GRIK5: variants seen among roughly 807,000 people sequenced by gnomAD.
The protein encoded by GRIK5 is glutamate ionotropic receptor kainate type subunit 5.
In GRIK5, 43 loss-of-function variants were observed where a neutral mutation model predicts 97.4. The ratio of observed to expected loss-of-function variants is 0.44; its 90% CI spans 0.35 to 0.57. The LOEUF is 0.57. Ranked by LOEUF, GRIK5 falls within the 20% of genes least tolerant of loss-of-function variation. The pLI, the probability that GRIK5 is intolerant of heterozygous loss-of-function variation, is 0.01. For synonymous variants in GRIK5, 580 were observed against 583.5 expected, an observed-to-expected ratio of 0.99 and a Z score of 0.09; for missense variants, 1,015 against 1,382.0, an observed-to-expected ratio of 0.73 and a Z score of 4.21.
intron 9 of GRIK5, among the ~76,000 whole-genome samples, 164 bp from the exon 10 acceptor site, chr19:42,054,093 T>C (rs970869084): frequency 2.8e-4 from 43 of 151,498 alleles, no homozygotes; most frequent in Non-Finnish European, 1.8e-4. Context: ...CAAGATAACA[T>C]GCAAGGAAGC....
At chr19:42,037,408 G>A (rs1223377411) in intron 12 of GRIK5, among the ~76,000 whole-genome samples, 3 of 152,188 alleles carry the variant, frequency 2.0e-5, no homozygotes, top group African/African-American at 7.2e-5. Flanking sequence ...GCAGTGAGCC[G>A]AGATCACGCC....
rs751624575 is a variant in GRIK5, at chr19:42,054,369, G to A, written c.1007C>T (p.Ser336Leu). The A allele has an allele frequency of 3.3e-5, 53 of 1,613,390 alleles. No individual in the cohort carries two copies. In the Admixed American group the frequency reaches 4.2e-4, roughly 13 times the overall value. The change falls in exon 9 of 20, where the codon TCG becomes TTG. Residue 336 changes from serine (S) to leucine (L), a missense_variant. Around this residue, in one of 5 missense-constraint regions of GRIK5, gnomAD observed 477 missense variants for 701.1 expected, o/e 0.68. Coordinates refer to ENST00000593562, the MANE Select transcript of GRIK5 (RefSeq NM_002088.5). ...EIGVKPLACT[S>L]ANIWPHGTSL... is the part of the protein sequence containing the mutation. ...GGTCCCGTGGGGCCAAATGTTGGCC[G>A]ATGTACAGGCCAGAGGCTTCACACC...
At chr19:42,001,369 C>G (rs1332733958) in intron 19 of GRIK5, among the ~76,000 whole-genome samples, 1 of 152,222 alleles carries the variant, frequency 6.6e-6, no homozygotes, top group Admixed American at 6.5e-5. Context: ...GTTGGGACTA[C>G]AGGTGTCCAC....
chr19:42,043,399 ATTTT>A lies in GRIK5; in HGVS notation c.1270-648_1270-645del, dbSNP rs984583211. Among the ~76,000 whole-genome samples, 5 of 121,298 alleles carry A rather than the reference ATTTT, an allele frequency of 4.1e-5. No individual in the cohort carries two copies. In the South Asian group the frequency reaches 1.0e-3, roughly 25 times the overall value. 79.6% of individuals were successfully genotyped at this position (121,298 alleles called of 152,430 possible). On this transcript the variant is annotated intron_variant, in intron 11 of 19. Coordinates refer to ENST00000593562, the MANE Select transcript of GRIK5 (RefSeq NM_002088.5). ...CAGGCTGAAGATGACAGATGGTGCA[ATTTT>A]TTTTTTTTTTTTTTTTTTTTGAGAC...
intron 15 of GRIK5, among the ~76,000 whole-genome samples, chr19:42,016,054 G>C (rs1475268551): frequency 6.6e-6 from 1 of 152,134 alleles, no homozygotes; most frequent in Non-Finnish European, 1.5e-5. Flanking sequence ...AAGACCCAGG[G>C]ACTGACTCAA....
At chr19:42,048,574 T>C (rs966169789) in intron 11 of GRIK5, among the ~76,000 whole-genome samples, 2 of 152,062 alleles carry the variant, frequency 1.3e-5, no homozygotes, top group South Asian at 4.1e-4. Flanking sequence ...GAGCCGAGAT[T>C]GTGCCACTGC....
Position 42,021,951 on chromosome 19 carries a change from C to T in GRIK5, c.1693G>A (p.Ala565Thr). ...CCCAGTAGGCAGTGGACTCACCTGG[C>T]AGCCAGAAACAGGACGCAGCTGACA... ...LAVSCVLFLA[A>T]RLSPYEWYNP... The change falls in exon 14 of 20, where the codon GCC becomes ACC. Residue 565 changes from alanine to threonine, a missense_variant. By Grantham distance (58) the Ala-to-Thr change is moderately conservative. Coordinates refer to ENST00000593562, the MANE Select transcript of GRIK5 (RefSeq NM_002088.5). The surrounding 1 kb of genome is among the most constrained non-coding windows in gnomAD (Gnocchi z 4.2). The T allele has an allele frequency of 6.2e-7, 1 of 1,609,724 alleles. No homozygotes were observed. The highest frequency in any genetic ancestry group is 8.5e-7 in the Non-Finnish European group (1 of 1,176,732).
chr19:42,062,452 G>A lies in GRIK5; in HGVS notation c.508+36C>T, dbSNP rs368721806. 8.7e-6 allele frequency: 14 copies of A among 1,608,984 alleles called. No homozygotes were observed. The highest frequency in any genetic ancestry group is 1.2e-5 in the Non-Finnish European group (14 of 1,176,980). On this transcript the variant is annotated intron_variant, in intron 5 of 19. Coordinates refer to ENST00000593562, the MANE Select transcript of GRIK5 (RefSeq NM_002088.5). The surrounding 1 kb of genome is among the most constrained non-coding windows in gnomAD (Gnocchi z 5.3). ...CAGATCTCTTGGGAAGGGGTGTCTG[G>A]GGGAACAGAAAACAAAACATTCAGT...
chr19:42,059,594 T>C (rs2076233374), intron 5 of GRIK5, 67 bp from the exon 6 acceptor site: 6 of 1,371,182 alleles, frequency 4.4e-6, no homozygotes, highest in Non-Finnish European at 6.1e-6. Flanking sequence ...AGACACTCTC[T>C]CCTCCTCAAC....
At chr19:42,029,309 G>A (rs911716093) in intron 12 of GRIK5, among the ~76,000 whole-genome samples, 6 of 151,404 alleles carry the variant, frequency 4.0e-5, no homozygotes, top group African/African-American at 9.7e-5. Context: ...CTCGTGATCC[G>A]CCCTCCTCAG....
intron 15 of GRIK5, among the ~76,000 whole-genome samples, chr19:42,009,841 C>T (rs1020099261): frequency 8.2e-5 from 12 of 146,906 alleles, no homozygotes; most frequent in African/African-American, 2.3e-4. Context: ...CCGATGGGGG[C>T]GGATTGCCTG....
chr19:42,004,316 C>T (rs2075460683), intron 17 of GRIK5, among the ~76,000 whole-genome samples: 1 of 152,182 alleles, frequency 6.6e-6, no homozygotes, highest in Non-Finnish European at 1.5e-5. Context: ...TCTCCCTGGA[C>T]CACCTCTCCT....
At chr19:42,038,856 C>T (rs985071568) in intron 12 of GRIK5, among the ~76,000 whole-genome samples, 1 of 152,224 alleles carries the variant, frequency 6.6e-6, no homozygotes, top group Non-Finnish European at 1.5e-5. Context: ...TCGGCACACT[C>T]GGCTATCCCA....
intron 6 of GRIK5, 97 bp from the exon 7 acceptor site, chr19:42,057,075 C>G (rs1474023831): frequency 1.1e-6 from 1 of 897,232 alleles, no homozygotes; most frequent in Non-Finnish European, 1.8e-6. Flanking sequence ...TTAGAGACAG[C>G]CCTGGTGAGA....
In GRIK5 at chr19:42,021,433, C is replaced by G. The variant is rs779231327; in HGVS notation, c.1739G>C (p.Arg580Pro). ...GTTCTCCAGGATGTGGGGGCGTGCC[C>G]GCAGGCATGGGTGTGGGTTATACCA... ...YEWYNPHPCL[R>P]ARPHILENQY... The change falls in exon 15 of 20, where the codon CGG becomes CCG. Residue 580 changes from arginine to proline, a missense_variant. Physicochemically the swap from Arg to Pro is moderately radical, Grantham distance 103. This residue lies in a region of GRIK5 where 477 missense variants were observed against 701.1 expected (regional missense o/e 0.68). Transcript: ENST00000593562. The surrounding 1 kb of genome is among the most constrained non-coding windows in gnomAD (Gnocchi z 4.2). The G allele has an allele frequency of 6.2e-7, 1 of 1,605,530 alleles. No homozygotes were observed. Among genetic ancestry groups the G allele is most frequent in the Non-Finnish European group, 8.5e-7 (1 of 1,175,144 alleles).
At chr19:42,066,735 G>C (rs1174335565) in intron 1 of GRIK5, among the ~76,000 whole-genome samples, 1 of 152,008 alleles carries the variant, frequency 6.6e-6, no homozygotes, top group Non-Finnish European at 1.5e-5. Flanking sequence ...AGAAAGGACA[G>C]AGCAGGGAGC....
At position 42,042,759 on chromosome 19, in the gene GRIK5, G is replaced by A; in HGVS notation, c.1270-4C>T. ...GGCGCATGACGTATGGGTTCTCCTG[G>A]GTGGGCAGAAGAAAGCAGGGGTCAG... On this transcript the variant is annotated splice_polypyrimidine_tract_variant and splice_region_variant and intron_variant, in intron 11 of 19. Transcript: ENST00000593562. This position sits in a 1 kb window ranked among gnomAD's most constrained non-coding sequence, Gnocchi z 6.9. 6.2e-7 allele frequency: 1 copy of A among 1,610,600 alleles called. No homozygotes were observed. Among genetic ancestry groups the A allele is most frequent in the Non-Finnish European group, 8.5e-7 (1 of 1,177,880 alleles).
intron 5 of GRIK5, among the ~76,000 whole-genome samples, chr19:42,061,360 TA>T (rs2076257568): frequency 6.6e-6 from 1 of 152,074 alleles, no homozygotes; most frequent in Non-Finnish European, 1.5e-5. Flanking sequence ...ACCTTTTTTT[TA>T]AGAGATGGGA....
chr19:42,049,700 T>A (rs2076087720), intron 11 of GRIK5, among the ~76,000 whole-genome samples: 1 of 152,170 alleles, frequency 6.6e-6, no homozygotes, highest in African/African-American at 2.4e-5. Flanking sequence ...TTTTTGAAAC[T>A]TCAGTGAGAA....
Sources: gnomAD v4.1 joint callset for allele counts (sites outside exome capture counted in the v4.1 genomes callset) on GRCh38, gnomAD v4.1.1 for gene constraint, gnomAD v4.1.1 regional missense constraint, Gnocchi (gnomAD v3.1) non-coding constraint, MANE v1.5 for transcripts, NCBI Gene and HGNC (gene_info 2026-07-23, HGNC 2026-07-21) for gene names.